MYH10: variants seen among roughly 807,000 people sequenced by gnomAD.
MYH10 encodes myosin-10.
MYH10 carries 55 observed loss-of-function variants against 257.8 expected under a neutral mutation model. The observed-to-expected ratio is 0.21, with a 90% confidence interval of 0.17 to 0.27. The LOEUF (loss-of-function observed/expected upper bound fraction) is 0.27. Among genes scored for constraint, MYH10 ranks in the 10% least tolerant of loss-of-function variants. The probability of loss-of-function intolerance (pLI) is 1.00; values close to 1 mark genes in which losing one functional copy is unlikely to be tolerated. For synonymous variants in MYH10, 854 were observed against 921.7 expected (o/e 0.93, Z 1.33); for missense variants, 1,631 against 2,500.6 (o/e 0.65, Z 7.42).
rs8067456 is a variant in MYH10 at position 8,520,952 on chromosome 17, G to A, written c.2199C>T (p.Asn733=). Reference sequence around the variant, plus strand: ...AGATTCGGATCCCTTCCAGGACACCGTTACAGCGAAGCTGATCTAGGACTA... The same window carrying A: ...AGATTCGGATCCCTTCCAGGACACCATTACAGCGAAGCTGATCTAGGACTA... ...PHLVLDQLRC[N]GVLEGIRICR... is the part of the protein sequence containing the mutation. The change falls in exon 19 of 43, where the codon AAC becomes AAT. Residue 733 remains asparagine (N), a synonymous_variant. Transcript: ENST00000360416. 1 allele frequency: 1,606,680 copies of A among 1,613,856 alleles called. 800,046 individuals carry two copies. Among genetic ancestry groups the A allele is most frequent in the East Asian group, 1 (44,874 of 44,874 alleles).
rs142585848 is a variant in MYH10, at chr17:8,493,802, C to T, written c.4140G>A (p.Gln1380=). Residue 1380 remains glutamine, a synonymous_variant, in exon 32 of 43, where the codon CAG becomes CAA. Coordinates refer to ENST00000360416, the MANE Select transcript of MYH10 (RefSeq NM_001256012.3). ...RQLEEEKNSL[Q]EQQEEEEEAR... The stretch of plus-strand genomic sequence containing the variant: ...CCTCCTCCTCCTCCTCCTGCTGCTC[C>T]TGAAGACTGTTCTTCTCCTCTTCCA... The T allele has an allele frequency of 2.5e-6, 4 of 1,614,092 alleles. No individual in the cohort carries two copies. Among genetic ancestry groups the T allele is most frequent in the Non-Finnish European group, 3.4e-6 (4 of 1,179,984 alleles).
chr17:8,610,821 C>CAT (rs1330569297), intron 2 of MYH10, among the ~76,000 whole-genome samples: 1 of 152,208 alleles, frequency 6.6e-6, no homozygotes, highest in Non-Finnish European at 1.5e-5. Flanking sequence ...GTTTATAAAT[C>CAT]ATACAATCTG....
chr17:8,580,301 CAA>C (rs2083655166), intron 4 of MYH10, among the ~76,000 whole-genome samples: 1 of 146,412 alleles, frequency 6.8e-6, no homozygotes, highest in South Asian at 2.5e-4. Context: ...AGGTAAACTT[CAA>C]ATAGTTTTTT....
chr17:8,622,972 T>C lies in MYH10; in HGVS notation c.275A>G (p.Glu92Gly). 1 of 1,614,210 alleles carries C rather than the reference T, an allele frequency of 6.2e-7. No homozygotes were observed. Among genetic ancestry groups the C allele is most frequent in the Non-Finnish European group, 8.5e-7 (1 of 1,180,020 alleles). The change falls in exon 2 of 43, where the codon GAA becomes GGA. Residue 92 changes from glutamate (E) to glycine (G), a missense_variant. By Grantham distance (98) the Glu-to-Gly change is moderately conservative (BLOSUM62 -2). Transcript: ENST00000360416. Reference protein sequence around the residue: ...PKFSKVEDMAELTCLNEASVL... With the variant: ...PKFSKVEDMAGLTCLNEASVL... ...GGAAGCTTCATTCAAGCATGTCAATTCTGCCATATCCTCCACCTTGGAAAA... is the reference window on the plus strand; with the variant it reads ...GGAAGCTTCATTCAAGCATGTCAATCCTGCCATATCCTCCACCTTGGAAAA...
Position 8,548,675 on chromosome 17 carries a change from G to T in MYH10, c.1032C>A (p.His344Gln). 11 of 1,614,086 alleles carry T rather than the reference G, an allele frequency of 6.8e-6. No homozygotes were observed. The highest frequency in any genetic ancestry group is 9.3e-6 in the Non-Finnish European group (11 of 1,179,976). The change falls in exon 10 of 43, where the codon CAC becomes CAA. Residue 344 changes from histidine (H) to glutamine (Q), a missense_variant. Physicochemically the swap from His to Gln is conservative, Grantham distance 24 (BLOSUM62 0). Transcript: ENST00000360416. ...DNFQETMEAM[H>Q]IMGFSHEEIL... ...TCTCTTCATGGGAGAAGCCCATTATGTGCATTGCTTCCATGGTCTCCTGGA... is the reference window on the plus strand; with the variant it reads ...TCTCTTCATGGGAGAAGCCCATTATTTGCATTGCTTCCATGGTCTCCTGGA...
rs566189776 is a variant in MYH10, at chr17:8,612,586, C to T, written c.346-7604G>A. 2.0e-5 allele frequency among the ~76,000 whole-genome samples: 3 copies of T among 152,274 alleles called. No individual in the cohort carries two copies. In the East Asian group the frequency reaches 5.8e-4, roughly 29 times the overall value. ...ATAGGTATGGCCAGGTGCGGTGGCT[C>T]ACACCTGTAATCGCAGCACTTTGGG... On this transcript the variant is annotated intron_variant, in intron 2 of 42. Coordinates refer to ENST00000360416, the MANE Select transcript of MYH10 (RefSeq NM_001256012.3).
chr17:8,503,072 C>T (rs1301480066), intron 28 of MYH10, among the ~76,000 whole-genome samples: 1 of 152,172 alleles, frequency 6.6e-6, no homozygotes, highest in Non-Finnish European at 1.5e-5. Context: ...CACCTGAGGT[C>T]GGGAGTTTGC....
chr17:8,500,761 A>C, intron 29 of MYH10, 65 bp downstream of exon 29: 1 of 1,563,100 alleles, frequency 6.4e-7, no homozygotes, highest in Admixed American at 1.9e-5. Context: ...ACGGGCAGAT[A>C]GGATGGGAGT....
intron 1 of MYH10, among the ~76,000 whole-genome samples, chr17:8,625,642 C>T (rs188886854): frequency 8.5e-5 from 13 of 152,116 alleles, no homozygotes; most frequent in African/African-American, 2.4e-4. Context: ...CACCATGACC[C>T]GCTAATTTTT....
intron 6 of MYH10, among the ~76,000 whole-genome samples, chr17:8,575,143 G>A (rs1054227010): frequency 2.0e-5 from 3 of 152,170 alleles, no homozygotes; most frequent in African/African-American, 7.2e-5. Flanking sequence ...CCTTCTTTGG[G>A]AGAACCTGCT....
chr17:8,475,793 T>C lies in MYH10; in HGVS notation c.*11A>G, dbSNP rs764780952. On this transcript the variant is annotated 3_prime_UTR_variant, in exon 43 of 43. Coordinates refer to ENST00000360416, the MANE Select transcript of MYH10 (RefSeq NM_001256012.3). ...GTCCCACTGTATTGCCTCCTCTGGC[T>C]TCCTGCAACTTTACTCTGACTGGGG... is the stretch of plus-strand genomic sequence containing the variant. 1.2e-6 allele frequency: 2 copies of C among 1,613,356 alleles called. No individual in the cohort carries two copies. Among genetic ancestry groups the C allele is most frequent in the Admixed American group, 1.7e-5 (1 of 59,956 alleles).
Position 8,476,118 on chromosome 17 carries a change from C to G in MYH10, c.5880-170G>C, listed in dbSNP as rs151253648. Among the ~76,000 whole-genome samples the G allele has an allele frequency of 2.6e-3, 400 of 152,358 alleles. 4 individuals carry two copies. Among genetic ancestry groups the G allele is most frequent in the Non-Finnish European group, 4.0e-3 (270 of 68,030 alleles). The stretch of plus-strand genomic sequence containing the variant: ...GGAAGGACTGCGTGCTTTTCTGCCT[C>G]TCCCACAACCCTGCCTGCAGAGTAC... On this transcript the variant is annotated intron_variant, in intron 42 of 42. Transcript: ENST00000360416.
chr17:8,536,057 G>C (rs1407517350), intron 14 of MYH10, 126 bp from the exon 15 acceptor site: 45 of 842,652 alleles, frequency 5.3e-5, no homozygotes, highest in Non-Finnish European at 7.6e-5. Flanking sequence ...TGCTAGGATG[G>C]AAAGGAATGT....
rs1352236146 is a variant in MYH10, at chr17:8,581,788, C to T, written c.531-4450G>A. On this transcript the variant is annotated intron_variant, in intron 4 of 42. Coordinates refer to ENST00000360416, the MANE Select transcript of MYH10 (RefSeq NM_001256012.3). ...ATTATTGTCCACTCATATATTCATC[C>T]ACTATACATGAGGTGATTTGAATTA... Among the ~76,000 whole-genome samples, 3 of 152,160 alleles carry T rather than the reference C, an allele frequency of 2.0e-5. No homozygotes were observed. In the East Asian group the frequency reaches 5.8e-4, roughly 29 times the overall value.
chr17:8,501,028 TTTC>T, intron 28 of MYH10, 58 bp from the exon 29 acceptor site: 1 of 1,523,446 alleles, frequency 6.6e-7, no homozygotes, highest in South Asian at 1.2e-5. Context: ...AAAAACACAT[TTTC>T]TTTTTGAAAA....
chr17:8,513,158 G>GT (rs2081354013), intron 23 of MYH10, among the ~76,000 whole-genome samples: 1 of 152,184 alleles, frequency 6.6e-6, no homozygotes, highest in African/African-American at 2.4e-5. Flanking sequence ...AGAAGTTCAG[G>GT]TGGTGACCTC....
intron 4 of MYH10, among the ~76,000 whole-genome samples, chr17:8,582,762 A>G (rs1384706224): frequency 4.6e-5 from 7 of 152,240 alleles, no homozygotes; most frequent in African/African-American, 1.7e-4. Flanking sequence ...TACGTGACCA[A>G]TTCTGAGACC....
At chr17:8,537,196 G>C (rs2082166195) in intron 14 of MYH10, among the ~76,000 whole-genome samples, 1 of 152,184 alleles carries the variant, frequency 6.6e-6, no homozygotes, top group Non-Finnish European at 1.5e-5. Context: ...TATGGCAAGT[G>C]TGTGATACAA....
chr17:8,522,300 C>T (rs1056559777), intron 17 of MYH10, among the ~76,000 whole-genome samples: 1 of 152,150 alleles, frequency 6.6e-6, no homozygotes, highest in Non-Finnish European at 1.5e-5. Context: ...AGATCTCATT[C>T]AATTATCAAT....
Sources: gnomAD v4.1 joint callset for allele counts (sites outside exome capture counted in the v4.1 genomes callset) on GRCh38, gnomAD v4.1.1 for gene constraint, MANE v1.5 for transcripts, NCBI Gene and HGNC (gene_info 2026-07-23, HGNC 2026-07-21) for gene names.